Variants in ZNF544 observed in about 807,000 individuals in gnomAD.
The protein encoded by ZNF544 is zinc finger protein 544.
A neutral mutation model predicts 13.5 loss-of-function variants in ZNF544; 10 were observed. That is an observed-to-expected ratio of 0.74 (90% confidence interval 0.46 to 1.25). The LOEUF (loss-of-function observed/expected upper bound fraction) is 1.25, where lower values mean the gene tolerates loss of function less well. Ranked by LOEUF, ZNF544 falls within the 50% of genes most tolerant of loss-of-function variation. ZNF544 has a pLI of 0.00. For synonymous variants in ZNF544, 323 were observed against 300.5 expected (o/e 1.07, Z -0.77); for missense variants, 896 against 845.6 (o/e 1.06, Z -0.74).
At chr19:58,229,840 G>A (rs946694807) in intron 2 of ZNF544, 19 of 152,374 alleles carry the variant, frequency 1.2e-4, no homozygotes, top group African/African-American at 4.1e-4. Context: ...CATGGGGTTG[G>A]ATTTCAAGAG....
chr19:58,241,464 ATC>A (rs994983533), intron 3 of ZNF544, among the ~76,000 whole-genome samples: 13 of 150,120 alleles, frequency 8.7e-5, no homozygotes, highest in Non-Finnish European at 1.6e-4. Context: ...CAAACTTGTC[ATC>A]TGATAGCAAT....
chr19:58,255,056 T>C lies in ZNF544; in HGVS notation c.245-5795T>C, dbSNP rs1056098143. On this transcript the variant is annotated intron_variant, in intron 6 of 6. Transcript: ENST00000687789. ...GCGCCCGCCACCACGCACGGCTAAT[T>C]TTTTGTACTTTTTAGTAGAGATGGG... is the stretch of plus-strand genomic sequence containing the variant. Among the ~76,000 whole-genome samples the C allele has an allele frequency of 4.7e-5, 7 of 150,358 alleles. No homozygotes were observed. The Admixed American group carries it at 4.7e-4, about 10-fold the overall frequency.
At position 58,275,783 on chromosome 19, in the gene ZNF544, C is replaced by CAAAAAAAAA. The variant is rs57148438; in HGVS notation, c.245-529_245-521dup. Among the ~76,000 whole-genome samples the CAAAAAAAAA allele has an allele frequency of 4.3e-3, 285 of 65,996 alleles. 3 individuals are homozygous for CAAAAAAAAA. The highest frequency in any genetic ancestry group is 0.013 in the African/African-American group (215 of 16,552). 43.3% of individuals were successfully genotyped at this position (65,996 alleles called of 152,430 possible). A position where few individuals can be genotyped will look rare whatever the true frequency, so the allele number is the denominator to read the frequency against. ...GTGGGCAACAGGTGAGACCCTGTCT[C>CAAAAAAAAA]AAAAAAAAAAAAAAAAAAAGGAAAG... On this transcript the variant is annotated intron_variant, in intron 5 of 6. Coordinates refer to the ZNF544 transcript ENST00000595981.
Position 58,241,141 on chromosome 19 carries a change from T to TAA in ZNF544, c.-59-2821_-59-2820dup, listed in dbSNP as rs2043517028. Reference sequence around the variant, plus strand: ...CATGCACCACCATGGCCAGCCAATTTAAAATATATATATATATTTAAATAT... The same window carrying TAA: ...CATGCACCACCATGGCCAGCCAATTTAAAAAATATATATATATATTTAAATAT... On this transcript the variant is annotated intron_variant, in intron 3 of 6. Coordinates refer to ENST00000687789, the MANE Select transcript of ZNF544 (RefSeq NM_014480.4). Among the ~76,000 whole-genome samples the TAA allele has an allele frequency of 1.3e-3, 73 of 55,410 alleles. 4 individuals are homozygous for TAA. Among genetic ancestry groups the TAA allele is most frequent in the African/African-American group, 3.6e-3 (68 of 19,106 alleles). The allele number at this position is 55,410 out of a possible 152,430, so 36.4% of individuals were successfully genotyped here.
intron 6 of ZNF544, among the ~76,000 whole-genome samples, chr19:58,256,315 A>C (rs1425356876): frequency 1.3e-5 from 2 of 151,988 alleles, no homozygotes; most frequent in Non-Finnish European, 2.9e-5. Context: ...GTTGTACCCA[A>C]GCGAGTTAAA....
intron 3 of ZNF544, among the ~76,000 whole-genome samples, chr19:58,237,151 G>A (rs1010997042): frequency 6.8e-6 from 1 of 146,350 alleles, no homozygotes. Context: ...TGCAGCGTCT[G>A]TTCCCAGGCT....
At position 58,263,288 on chromosome 19, in the gene ZNF544, C is replaced by G. The variant is rs2049373207; in HGVS notation, c.*534C>G. 4 of 856,540 alleles carry G rather than the reference C, an allele frequency of 4.7e-6. No homozygotes were observed. The Admixed American group carries it at 2.7e-4, about 57-fold the overall frequency. 53.1% of individuals were successfully genotyped at this position (856,540 alleles called of 1,614,324 possible). On this transcript the variant is annotated 3_prime_UTR_variant, in exon 7 of 7. Transcript: ENST00000687789. ...CCAGCCTGGGTAACATGGCAAAATC[C>G]TGTCTTTACAAAAAATACAAAAATT...
Position 58,261,476 on chromosome 19 carries a change from AGTG to A in ZNF544, c.871_873del (p.Val291del). 1.2e-6 allele frequency: 2 copies of A among 1,614,232 alleles called. No individual in the cohort carries two copies. Among genetic ancestry groups the A allele is most frequent in the Non-Finnish European group, 1.7e-6 (2 of 1,180,044 alleles). On this transcript the variant is annotated inframe_deletion, in exon 7 of 7. Transcript: ENST00000687789. Reference sequence around the variant, plus strand: ...GTGTGTCTCTGAATGAACAGAAGCCAGTGCATTTTGGGAAAAGTCAGTATGAGT... The same window carrying A: ...GTGTGTCTCTGAATGAACAGAAGCCACATTTTGGGAAAAGTCAGTATGAGT...
At chr19:58,235,889 T>C (rs1292333813) in intron 3 of ZNF544, among the ~76,000 whole-genome samples, 1 of 143,158 alleles carries the variant, frequency 7.0e-6, no homozygotes, top group Non-Finnish European at 1.5e-5. Flanking sequence ...GGAGAAACCC[T>C]GTCTCTACTA....
At chr19:58,244,130 C>G (rs1304473244) in intron 4 of ZNF544, 74 bp downstream of exon 4, 1 of 1,335,494 alleles carries the variant, frequency 7.5e-7, no homozygotes, top group African/African-American at 1.5e-5. Flanking sequence ...AGCACCCGCC[C>G]CTGCAGGCTG....
chr19:58,250,231 C>T (rs2046077271), intron 6 of ZNF544, among the ~76,000 whole-genome samples: 1 of 152,168 alleles, frequency 6.6e-6, no homozygotes, highest in Non-Finnish European at 1.5e-5. Context: ...GAAGGTGGCC[C>T]CAGTTAAAGG....
rs765687908 is a variant in ZNF544 at position 58,261,503 on chromosome 19, G to C, written c.897G>C (p.Glu299Asp). The change falls in exon 7 of 7, where the codon GAG becomes GAC. Residue 299 changes from glutamate to aspartate, a missense_variant. By Grantham distance (45) the Glu-to-Asp change is conservative. Coordinates refer to ENST00000687789, the MANE Select transcript of ZNF544 (RefSeq NM_014480.4). ...KPVHFGKSQY[E>D]CDECRETCSE... ...TGCATTTTGGGAAAAGTCAGTATGA[G>C]TGTGATGAGTGCAGGGAAACCTGTT... is the stretch of plus-strand genomic sequence containing the variant. 6.2e-7 allele frequency: 1 copy of C among 1,614,206 alleles called. No homozygotes were observed. The highest frequency in any genetic ancestry group is 8.5e-7 in the Non-Finnish European group (1 of 1,180,048).
intron 3 of ZNF544, among the ~76,000 whole-genome samples, chr19:58,235,892 C>T (rs182503871): frequency 4.6e-5 from 7 of 151,450 alleles, no homozygotes; most frequent in African/African-American, 7.3e-5. Flanking sequence ...GAAACCCTGT[C>T]TCTACTAGAA....
rs76943792 is a variant in ZNF544, at chr19:58,231,504, T to C, written c.-60+1042T>C. On this transcript the variant is annotated intron_variant, in intron 3 of 6. Coordinates refer to ENST00000687789, the MANE Select transcript of ZNF544 (RefSeq NM_014480.4). ...GTGGATTTTGAAAGGTAGGAAGGCC[T>C]GGGGCATTTGCTAGGGAAGGAAGCT... is the stretch of plus-strand genomic sequence containing the variant. Among the ~76,000 whole-genome samples, 51 of 152,288 alleles carry C rather than the reference T, an allele frequency of 3.3e-4. 1 individual carries two copies. In the East Asian group the frequency reaches 7.3e-3, roughly 22 times the overall value.
Position 58,262,791 on chromosome 19 carries a change from T to G in ZNF544, c.*37T>G. 6.4e-7 allele frequency: 1 copy of G among 1,552,964 alleles called. No individual in the cohort carries two copies. The highest frequency in any genetic ancestry group is 8.7e-7 in the Non-Finnish European group (1 of 1,149,416). On this transcript the variant is annotated 3_prime_UTR_variant, in exon 7 of 7. Transcript: ENST00000687789. The stretch of plus-strand genomic sequence containing the variant: ...TTGTGGGAAAGCTTTCATCCAGAGG[T>G]CTCCCCTCATCATGCACCAGAGGAC...
At chr19:58,243,839 C>T (rs1033849572) in intron 3 of ZNF544, 126 bp from the exon 4 acceptor site, 7 of 655,144 alleles carry the variant, frequency 1.1e-5, no homozygotes, top group East Asian at 9.9e-5. Flanking sequence ...GGTCCCCAGG[C>T]GTGAGGCCCA....
chr19:58,269,764 T>C (rs1401984810), intron 5 of ZNF544, among the ~76,000 whole-genome samples: 1 of 151,908 alleles, frequency 6.6e-6, no homozygotes, highest in African/African-American at 2.4e-5. Flanking sequence ...CTACTAAAGA[T>C]ACAAAAATTA....
intron 3 of ZNF544, among the ~76,000 whole-genome samples, chr19:58,233,034 C>T (rs547491643): frequency 1.3e-5 from 2 of 151,506 alleles, no homozygotes; most frequent in Non-Finnish European, 2.9e-5. Flanking sequence ...TTCCACATAG[C>T]TGGGGAGGTC....
Position 58,261,386 on chromosome 19 carries a change from T to C in ZNF544, c.780T>C (p.His260=), listed in dbSNP as rs779401466. 1.2e-6 allele frequency: 2 copies of C among 1,614,178 alleles called. No individual in the cohort carries two copies. Among genetic ancestry groups the C allele is most frequent in the Non-Finnish European group, 1.7e-6 (2 of 1,180,032 alleles). Residue 260 remains histidine, a synonymous_variant, in exon 7 of 7, where the codon CAT becomes CAC. Transcript: ENST00000687789. Reference sequence around the variant, plus strand: ...ACTATGGTTCCTCCCTTTGTTTTCATGGTAGAACTTTTTCAGTGAAGAAAA... The same window carrying C: ...ACTATGGTTCCTCCCTTTGTTTTCACGGTAGAACTTTTTCAGTGAAGAAAA... ...SLNYGSSLCF[H]GRTFSVKKSD...
Sources: gnomAD v4.1 joint callset for allele counts (sites outside exome capture counted in the v4.1 genomes callset) on GRCh38, gnomAD v4.1.1 for gene constraint, MANE v1.5 for transcripts, NCBI Gene and HGNC (gene_info 2026-07-23, HGNC 2026-07-21) for gene names.